Variants in KIAA1549L observed in about 807,000 individuals in gnomAD.
The protein encoded by KIAA1549L is KIAA1549 like, also known as UPF0606 protein KIAA1549L.
In KIAA1549L, 88 loss-of-function variants were observed where a neutral mutation model predicts 160.7. That is an observed-to-expected ratio of 0.55 (90% CI 0.46 to 0.65). The LOEUF is 0.65. Ranked by LOEUF, KIAA1549L falls within the 30% of genes least tolerant of loss-of-function variation. KIAA1549L has a pLI of 0.00. For missense variants in KIAA1549L, 2,258 were observed against 2,437.5 expected, an observed-to-expected ratio of 0.93 and a Z score of 1.55; for synonymous variants, 950 against 976.7, an observed-to-expected ratio of 0.97 and a Z score of 0.51.
At chr11:33,415,944 T>C (rs1291586625) in intron 1 of KIAA1549L, among the ~76,000 whole-genome samples, 1 of 151,970 alleles carries the variant, frequency 6.6e-6, no homozygotes, top group African/African-American at 2.4e-5. Flanking sequence ...AGCGGACTTA[T>C]CAGTATTTAA....
At chr11:33,509,242 C>T (rs1853168029) in intron 1 of KIAA1549L, among the ~76,000 whole-genome samples, 1 of 152,180 alleles carries the variant, frequency 6.6e-6, no homozygotes. Flanking sequence ...ACCTTCCCTC[C>T]ATGGTTTGCA....
chr11:33,572,068 G>T (rs900681007), intron 9 of KIAA1549L, among the ~76,000 whole-genome samples: 1 of 149,228 alleles, frequency 6.7e-6, no homozygotes, highest in Non-Finnish European at 1.5e-5. Context: ...ATAAAGTCTC[G>T]CTCTGTCGCC....
intron 16 of KIAA1549L, among the ~76,000 whole-genome samples, chr11:33,638,078 C>T (rs1460148771): frequency 6.6e-6 from 1 of 152,196 alleles, no homozygotes; most frequent in Non-Finnish European, 1.5e-5. Flanking sequence ...ATCAAGCTAG[C>T]TATGTCAATC....
chr11:33,536,464 C>A (rs1010286046), intron 1 of KIAA1549L, among the ~76,000 whole-genome samples: 32 of 152,288 alleles, frequency 2.1e-4, no homozygotes, highest in African/African-American at 7.7e-4. Context: ...AGCCTCTCCA[C>A]GTGGTGTGGG....
chr11:33,495,034 G>A (rs1852781982), intron 1 of KIAA1549L, among the ~76,000 whole-genome samples: 1 of 152,144 alleles, frequency 6.6e-6, no homozygotes, highest in African/African-American at 2.4e-5. Flanking sequence ...GAATTGTCAA[G>A]TGCCTTAGGC....
chr11:33,528,996 A>G (rs1251339323), intron 1 of KIAA1549L, among the ~76,000 whole-genome samples: 1 of 152,206 alleles, frequency 6.6e-6, no homozygotes, highest in African/African-American at 2.4e-5. Context: ...AAGAAACCAA[A>G]ACTATTTTTT....
intron 16 of KIAA1549L, among the ~76,000 whole-genome samples, chr11:33,635,326 TC>T (rs1357868565): frequency 6.6e-6 from 1 of 152,234 alleles, no homozygotes; most frequent in African/African-American, 2.4e-5. Context: ...ATAAATTTCA[TC>T]ATGGCCAGAT....
intron 1 of KIAA1549L, among the ~76,000 whole-genome samples, chr11:33,466,445 G>A (rs11032282): frequency 0.17 from 26,092 of 152,166 alleles, 2,850 homozygotes; most frequent in Admixed American, 0.25. Flanking sequence ...TTAGAATGGC[G>A]ATCATTAAAA....
In KIAA1549L at chr11:33,542,810, C is replaced by G. The variant is rs1854072512; in HGVS notation, c.1247C>G (p.Ala416Gly). 4 of 1,613,866 alleles carry G rather than the reference C, an allele frequency of 2.5e-6. No individual in the cohort carries two copies. The highest frequency in any genetic ancestry group is 3.3e-4 in the Middle Eastern group (2 of 6,062). The stretch of plus-strand genomic sequence containing the variant: ...AATACAGAAACAGCGACCCATGAGG[C>G]TGAGCCTCCACTTTTCCAGACTGCA... ...FKNTETATHE[A>G]EPPLFQTAES... Residue 416 changes from alanine (A) to glycine (G), a missense_variant, in exon 2 of 21, where the codon GCT becomes GGT. Physicochemically the swap from Ala to Gly is moderately conservative, Grantham distance 60 (BLOSUM62 0). Transcript: ENST00000658780.
intron 1 of KIAA1549L, among the ~76,000 whole-genome samples, chr11:33,435,348 T>C (rs1454911176): frequency 1.3e-5 from 2 of 152,166 alleles, no homozygotes; most frequent in Non-Finnish European, 2.9e-5. Context: ...GGACATTTGC[T>C]TTATAGAAAG....
chr11:33,604,056 G>A (rs1247951023), intron 13 of KIAA1549L, among the ~76,000 whole-genome samples: 1 of 152,152 alleles, frequency 6.6e-6, no homozygotes, highest in African/African-American at 2.4e-5. Context: ...GGGATAGAGG[G>A]AGAAGAGGGA....
At position 33,622,782 on chromosome 11, in the gene KIAA1549L, A is replaced by T. The variant is rs190867921; in HGVS notation, c.5409+4120A>T. Among the ~76,000 whole-genome samples the T allele has an allele frequency of 2.4e-4, 37 of 152,376 alleles. No individual in the cohort carries two copies. The East Asian group carries it at 6.9e-3, about 29-fold the overall frequency. On this transcript the variant is annotated intron_variant, in intron 16 of 20. Coordinates refer to ENST00000658780, the MANE Select transcript of KIAA1549L (RefSeq NM_012194.3). Reference sequence around the variant, plus strand: ...AAAATTACCAGGCAGGGCAATACTCAGGAAGCAGTTGGGGCAACTAGTGGA... The same window carrying T: ...AAAATTACCAGGCAGGGCAATACTCTGGAAGCAGTTGGGGCAACTAGTGGA...
intron 1 of KIAA1549L, among the ~76,000 whole-genome samples, chr11:33,409,696 T>G (rs919633050): frequency 6.6e-6 from 1 of 152,080 alleles, no homozygotes; most frequent in Non-Finnish European, 1.5e-5. Context: ...CATTTGATCA[T>G]TATCATCCAT....
At chr11:33,398,119 G>A (rs937362536) in intron 1 of KIAA1549L, among the ~76,000 whole-genome samples, 7 of 150,994 alleles carry the variant, frequency 4.6e-5, no homozygotes, top group East Asian at 2.0e-4. Context: ...ACGGGGTTTC[G>A]CCATGTAGGC....
chr11:33,614,570 ATATATATATATATAT>A (rs1850750691), intron 15 of KIAA1549L, among the ~76,000 whole-genome samples: 2 of 15,020 alleles, frequency 1.3e-4, no homozygotes, highest in Non-Finnish European at 1.9e-4. Flanking sequence ...ATATATATAT[ATATATATATATATAT>A]TTTTTTTTTT....
intron 10 of KIAA1549L, among the ~76,000 whole-genome samples, chr11:33,581,272 C>T (rs1023025561): frequency 7.2e-5 from 11 of 152,298 alleles, no homozygotes; most frequent in East Asian, 3.9e-4. Flanking sequence ...ACATAGGTGA[C>T]GGCCACAAAA....
At chr11:33,552,900 A>G (rs1025800335) in intron 6 of KIAA1549L, among the ~76,000 whole-genome samples, 5 of 152,186 alleles carry the variant, frequency 3.3e-5, no homozygotes, top group Non-Finnish European at 7.3e-5. Flanking sequence ...TCAATCCACT[A>G]CACCATACTC....
rs1853998362 is a variant in KIAA1549L at position 33,540,657 on chromosome 11, G to A, written c.239-1145G>A. ...ATGAAGCAGTTCCTAAGGAGGGCAT[G>A]CATTTTAATGAAATACTATGCAGAC... On this transcript the variant is annotated intron_variant, in intron 1 of 20. Transcript: ENST00000658780. 2.6e-5 allele frequency among the ~76,000 whole-genome samples: 4 copies of A among 152,216 alleles called. No individual in the cohort carries two copies. In the South Asian group the frequency reaches 8.3e-4, roughly 31 times the overall value.
chr11:33,442,767 AT>A (rs1565139126), intron 1 of KIAA1549L, among the ~76,000 whole-genome samples: 1 of 151,988 alleles, frequency 6.6e-6, no homozygotes, highest in Admixed American at 6.5e-5. Context: ...CAATTTCCAT[AT>A]TTTTTTCCTT....
Sources: allele counts gnomAD v4.1 joint callset (sites outside exome capture counted in the v4.1 genomes callset), GRCh38; gene constraint gnomAD v4.1.1; transcripts MANE v1.5; gene names NCBI Gene and HGNC (gene_info 2026-07-23, HGNC 2026-07-21).